ANKRD13A: variants seen among roughly 807,000 people sequenced by gnomAD.
ANKRD13A encodes the protein ankyrin repeat domain-containing protein 13A.
Under a neutral mutation model 81.3 loss-of-function variants are expected in ANKRD13A, and 48 were observed. The observed-to-expected ratio is 0.59, with a 90% confidence interval of 0.47 to 0.75. The LOEUF (loss-of-function observed/expected upper bound fraction) is 0.75, where lower values mean the gene tolerates loss of function less well. Ranked by LOEUF, ANKRD13A falls within the 30% of genes least tolerant of loss-of-function variation. The probability of loss-of-function intolerance (pLI) is 0.00; values close to 1 mark genes in which losing one functional copy is unlikely to be tolerated. For synonymous variants in ANKRD13A, 230 were observed against 270.1 expected, an observed-to-expected ratio of 0.85 and a Z score of 1.45; for missense variants, 612 against 734.0, an observed-to-expected ratio of 0.83 and a Z score of 1.92.
intron 13 of ANKRD13A, among the ~76,000 whole-genome samples, chr12:110,034,289 A>G (rs1891887774): frequency 6.6e-6 from 1 of 152,148 alleles, no homozygotes; most frequent in Admixed American, 6.5e-5. Flanking sequence ...TTTTTCCTGA[A>G]GGATTACCTG....
chr12:110,030,778 C>G lies in ANKRD13A; in HGVS notation c.1348+20C>G. The G allele has an allele frequency of 6.7e-7, 1 of 1,502,392 alleles. No individual in the cohort carries two copies. Among genetic ancestry groups the G allele is most frequent in the Non-Finnish European group, 9.0e-7 (1 of 1,108,052 alleles). 93.1% of individuals were successfully genotyped at this position (1,502,392 alleles called of 1,614,324 possible). Reference sequence around the variant, plus strand: ...ATTCAGGTAAAAAAATAAATAAATACAAAGTTTAGTTTTGTTATTTAAAAA... The same window carrying G: ...ATTCAGGTAAAAAAATAAATAAATAGAAAGTTTAGTTTTGTTATTTAAAAA... On this transcript the variant is annotated intron_variant, in intron 12 of 14. Coordinates refer to ENST00000261739, the MANE Select transcript of ANKRD13A (RefSeq NM_033121.2).
rs140833944 is a variant in ANKRD13A at position 110,036,515 on chromosome 12, C to T, written c.1577+187C>T. ...CTATAATCCCAGCATTTTGGGAGGC[C>T]GAGGCAGGCGGATCACGAGGTCAGA... On this transcript the variant is annotated intron_variant, in intron 14 of 14. Transcript: ENST00000261739. This position sits in a 1 kb window ranked among gnomAD's most constrained non-coding sequence, Gnocchi z 4.6. Among the ~76,000 whole-genome samples the T allele has an allele frequency of 5.0e-3, 766 of 152,208 alleles. 10 individuals are homozygous for T. Among genetic ancestry groups the T allele is most frequent in the African/African-American group, 0.018 (735 of 41,534 alleles).
At chr12:110,000,396 C>T (rs1416529022) in intron 1 of ANKRD13A, among the ~76,000 whole-genome samples, 1 of 152,166 alleles carries the variant, frequency 6.6e-6, no homozygotes, top group East Asian at 1.9e-4. Flanking sequence ...AACAAACTCC[C>T]CAGGGAGGCT....
rs139496274 is a variant in ANKRD13A, at chr12:110,007,437, A to G, written c.97-4568A>G. ...CTATTGTTGCCCAGGCTGGAGTTCA[A>G]TGGCACAATCTTGGCTCACTGCAAC... On this transcript the variant is annotated intron_variant, in intron 1 of 14. Coordinates refer to ENST00000261739, the MANE Select transcript of ANKRD13A (RefSeq NM_033121.2). 6.9e-3 allele frequency among the ~76,000 whole-genome samples: 1,042 copies of G among 152,092 alleles called. 19 individuals carry two copies. Among genetic ancestry groups the G allele is most frequent in the African/African-American group, 0.024 (1,003 of 41,496 alleles).
chr12:110,035,962 A>G (rs1892019342), intron 13 of ANKRD13A, among the ~76,000 whole-genome samples: 1 of 152,146 alleles, frequency 6.6e-6, no homozygotes, highest in African/African-American at 2.4e-5. Context: ...GCCCAAGGTC[A>G]GCTGTGTTTT....
In ANKRD13A at chr12:110,038,218, A is replaced by T. The variant is rs1892182151; in HGVS notation, c.*664A>T. ...CACAAATGGCCATGGATGTTGCCTTAGCCTTAAACATTACTAATAGTTTCA... is the reference window on the plus strand; with the variant it reads ...CACAAATGGCCATGGATGTTGCCTTTGCCTTAAACATTACTAATAGTTTCA... On this transcript the variant is annotated 3_prime_UTR_variant, in exon 15 of 15. Coordinates refer to ENST00000261739, the MANE Select transcript of ANKRD13A (RefSeq NM_033121.2). The T allele has an allele frequency of 6.5e-6, 1 of 152,698 alleles. No homozygotes were observed. The allele number at this position is 152,698 out of a possible 1,614,324, so 9.5% of individuals were successfully genotyped here.
At chr12:110,019,108 C>T (rs752473801) in intron 5 of ANKRD13A, 31 bp from the exon 6 acceptor site, 23 of 1,540,500 alleles carry the variant, frequency 1.5e-5, no homozygotes, top group Non-Finnish European at 1.8e-5. Context: ...CCCTACTTTG[C>T]ACTTAGTTAT....
chr12:110,009,162 A>T (rs1291908083), intron 1 of ANKRD13A, among the ~76,000 whole-genome samples: 1 of 151,796 alleles, frequency 6.6e-6, no homozygotes, highest in Non-Finnish European at 1.5e-5. Flanking sequence ...GCTCACCACA[A>T]CCTCCGCCTT....
Position 110,028,387 on chromosome 12 carries a change from GT to G in ANKRD13A, c.946-123del, listed in dbSNP as rs1891464549. The stretch of plus-strand genomic sequence containing the variant: ...AGATTTTCTTGTTCCATGCAAAAAA[GT>G]TAGTGAATAGAACTTCCCGGTCTTT... On this transcript the variant is annotated intron_variant, in intron 9 of 14. Coordinates refer to ENST00000261739, the MANE Select transcript of ANKRD13A (RefSeq NM_033121.2). 4 of 1,084,382 alleles carry G rather than the reference GT, an allele frequency of 3.7e-6. No individual in the cohort carries two copies. In the East Asian group the frequency reaches 9.8e-5, roughly 27 times the overall value. The allele number at this position is 1,084,382 out of a possible 1,614,324, so 67.2% of individuals were successfully genotyped here. A position where few individuals can be genotyped will look rare whatever the true frequency, so the allele number is the denominator to read the frequency against.
chr12:110,029,845 T>G (rs936875370), intron 11 of ANKRD13A, among the ~76,000 whole-genome samples: 3 of 152,104 alleles, frequency 2.0e-5, no homozygotes, highest in African/African-American at 7.2e-5. Context: ...TCAAGAGATC[T>G]CCAACCATCA....
At position 110,039,438 on chromosome 12, in the gene ANKRD13A, G is replaced by C. The variant is rs1415738395; in HGVS notation, c.*1884G>C. 1 of 152,214 alleles carries C rather than the reference G, an allele frequency of 6.6e-6. No individual in the cohort carries two copies. The highest frequency in any genetic ancestry group is 1.5e-5 in the Non-Finnish European group (1 of 68,040). 9.4% of individuals were successfully genotyped at this position (152,214 alleles called of 1,614,324 possible). A position where few individuals can be genotyped will look rare whatever the true frequency, so the allele number is the denominator to read the frequency against. On this transcript the variant is annotated 3_prime_UTR_variant, in exon 15 of 15. Coordinates refer to ENST00000261739, the MANE Select transcript of ANKRD13A (RefSeq NM_033121.2). ...TAGAGGGTGCTCATACAAAATTCCA[G>C]TCTTTGAGTCTTTTTCCTTTTCAGT...
intron 6 of ANKRD13A, among the ~76,000 whole-genome samples, chr12:110,020,289 C>T (rs1343950883): frequency 6.6e-6 from 1 of 152,226 alleles, no homozygotes; most frequent in Non-Finnish European, 1.5e-5. Flanking sequence ...TTATCCTGGA[C>T]TTAGGCCTTC....
chr12:110,005,769 T>C (rs999657201), intron 1 of ANKRD13A, among the ~76,000 whole-genome samples: 6 of 152,192 alleles, frequency 3.9e-5, no homozygotes, highest in Admixed American at 2.6e-4. Flanking sequence ...TTGTCGCCAC[T>C]TTTTGGCTAT....
In ANKRD13A at chr12:110,018,021, T is replaced by C. The variant is rs1198489009; in HGVS notation, c.401-324T>C. 6.6e-6 allele frequency among the ~76,000 whole-genome samples: 1 copy of C among 151,432 alleles called. No homozygotes were observed. The highest frequency in any genetic ancestry group is 1.5e-5 in the Non-Finnish European group (1 of 67,890). ...GTAGGCCACAGCCATATGGCAAGAG[T>C]TGCATATGTGAGTGAGGAAGGCCAG... On this transcript the variant is annotated intron_variant, in intron 4 of 14. Coordinates refer to ENST00000261739, the MANE Select transcript of ANKRD13A (RefSeq NM_033121.2). This position sits in a 1 kb window ranked among gnomAD's most constrained non-coding sequence, Gnocchi z 4.4.
Position 110,033,783 on chromosome 12 carries a change from G to T in ANKRD13A, c.1349-14G>T. ...TAATGAACTCAGACACTGGACGGTT[G>T]CCTTTTGTTTCAGCTTCCCACATCA... On this transcript the variant is annotated splice_polypyrimidine_tract_variant and intron_variant, in intron 12 of 14. Transcript: ENST00000261739. 6.3e-7 allele frequency: 1 copy of T among 1,586,590 alleles called. No individual in the cohort carries two copies. Among genetic ancestry groups the T allele is most frequent in the South Asian group, 1.1e-5 (1 of 87,568 alleles).
At chr12:110,022,008 G>A (rs1891103264) in intron 6 of ANKRD13A, 1 of 151,984 alleles carries the variant, frequency 6.6e-6, no homozygotes, top group Non-Finnish European at 1.5e-5. Context: ...ACAGGCAGAG[G>A]TGAAAATGGC....
chr12:110,013,836 T>A (rs1190297339), intron 3 of ANKRD13A, among the ~76,000 whole-genome samples: 2 of 151,728 alleles, frequency 1.3e-5, no homozygotes, highest in Non-Finnish European at 2.9e-5. Flanking sequence ...AAGTAAAAAT[T>A]AGAACTTAAG....
At chr12:110,030,951 C>T (rs1384782470) in intron 12 of ANKRD13A, among the ~76,000 whole-genome samples, 193 bp downstream of exon 12, 2 of 151,838 alleles carry the variant, frequency 1.3e-5, no homozygotes, top group Non-Finnish European at 2.9e-5. Flanking sequence ...AAAAATTAGC[C>T]GGGTGTGGTG....
chr12:110,036,352 A>C lies in ANKRD13A; in HGVS notation c.1577+24A>C. 1.9e-6 allele frequency: 3 copies of C among 1,612,058 alleles called. No individual in the cohort carries two copies. The highest frequency in any genetic ancestry group is 2.5e-6 in the Non-Finnish European group (3 of 1,178,250). On this transcript the variant is annotated intron_variant, in intron 14 of 14. Coordinates refer to ENST00000261739, the MANE Select transcript of ANKRD13A (RefSeq NM_033121.2). This position sits in a 1 kb window ranked among gnomAD's most constrained non-coding sequence, Gnocchi z 4.6. ...AGGTGATTGACTGACGTGACTCTGGAATAAACCAGGGTGAACACAGGCCTG... is the reference window on the plus strand; with the variant it reads ...AGGTGATTGACTGACGTGACTCTGGCATAAACCAGGGTGAACACAGGCCTG...
Sources: allele counts gnomAD v4.1 joint callset (sites outside exome capture counted in the v4.1 genomes callset), GRCh38; gene constraint gnomAD v4.1.1; non-coding constraint Gnocchi (gnomAD v3.1); transcripts MANE v1.5; gene names NCBI Gene and HGNC (gene_info 2026-07-23, HGNC 2026-07-21).